The following ITK variants were observed in gnomAD, a reference collection of about 807,000 sequenced individuals.
The protein encoded by ITK is IL2 inducible T cell kinase, also known as tyrosine-protein kinase ITK/TSK.
Under a neutral mutation model 87.6 loss-of-function variants are expected in ITK, and 45 were observed. That is an observed-to-expected ratio of 0.51 (90% CI 0.40 to 0.66). ITK has a LOEUF of 0.66. ITK is among the 30% of genes least tolerant of loss of function. ITK has a pLI of 0.00. For synonymous variants in ITK, 303 were observed against 273.6 expected, an observed-to-expected ratio of 1.11 and a Z score of -1.06; for missense variants, 605 against 766.3, an observed-to-expected ratio of 0.79 and a Z score of 2.48.
intron 8 of ITK, among the ~76,000 whole-genome samples, chr5:157,233,319 C>T (rs756364618): frequency 1.3e-5 from 2 of 152,044 alleles, no homozygotes; most frequent in African/African-American, 2.4e-5. Context: ...GGAAACAAGA[C>T]AAATGCAGAA....
intron 1 of ITK, among the ~76,000 whole-genome samples, chr5:157,186,522 A>G (rs1161231108): frequency 6.6e-6 from 1 of 152,122 alleles, no homozygotes; most frequent in Non-Finnish European, 1.5e-5. Context: ...TAAAAACACA[A>G]AAAGTTAGCC....
intron 1 of ITK, among the ~76,000 whole-genome samples, chr5:157,201,832 C>A (rs1054591455): frequency 2.0e-5 from 3 of 151,346 alleles, no homozygotes; most frequent in Non-Finnish European, 4.4e-5. Flanking sequence ...GATCAACATA[C>A]AAATTAATTT....
At chr5:157,214,102 C>A in intron 3 of ITK, 89 bp from the exon 4 acceptor site, 2 of 1,030,816 alleles carry the variant, frequency 1.9e-6, no homozygotes, top group Non-Finnish European at 3.1e-6. Context: ...GCTCACTCAG[C>A]CAGGTCTAAT....
chr5:157,239,822 A>G (rs1006915640), intron 9 of ITK, among the ~76,000 whole-genome samples: 4 of 152,202 alleles, frequency 2.6e-5, no homozygotes, highest in African/African-American at 9.7e-5. Flanking sequence ...TGGAAGAACC[A>G]TCACCAATCC....
rs760908622 is a variant in ITK at position 157,243,637 on chromosome 5, G to A, written c.1075G>A (p.Asp359Asn). 1.9e-6 allele frequency: 3 copies of A among 1,612,500 alleles called. No individual in the cohort carries two copies. The highest frequency in any genetic ancestry group is 1.7e-5 in the Admixed American group (1 of 59,990). Residue 359 changes from aspartate to asparagine, a missense_variant, in exon 12 of 17, where the codon GAC becomes AAC. Transcript: ENST00000422843. ...CTCTCTTCCAGGGAAATGGGTGATCGACCCCTCAGAGCTCACTTTTGTGCA... is the reference window on the plus strand; with the variant it reads ...CTCTCTTCCAGGGAAATGGGTGATCAACCCCTCAGAGCTCACTTTTGTGCA... ...AGLRYGKWVI[D>N]PSELTFVQEI...
intron 8 of ITK, among the ~76,000 whole-genome samples, chr5:157,237,489 T>G (rs371461427): frequency 1.1e-4 from 16 of 152,348 alleles, no homozygotes; most frequent in African/African-American, 3.8e-4. Context: ...ACACGCAATA[T>G]GTCCATGTAA....
chr5:157,233,371 C>T lies in ITK; in HGVS notation c.768+977C>T, dbSNP rs565647604. 6.6e-5 allele frequency among the ~76,000 whole-genome samples: 10 copies of T among 152,306 alleles called. No homozygotes were observed. In the South Asian group the frequency reaches 2.1e-3, roughly 32 times the overall value. Reference sequence around the variant, plus strand: ...AATCTAAAATAAACTAAGGTAAACTCCAGAGGAGTTGGGAAAGATTCCATG... The same window carrying T: ...AATCTAAAATAAACTAAGGTAAACTTCAGAGGAGTTGGGAAAGATTCCATG... On this transcript the variant is annotated intron_variant, in intron 8 of 16. Transcript: ENST00000422843.
intron 4 of ITK, among the ~76,000 whole-genome samples, chr5:157,215,283 A>G (rs1754276626): frequency 6.6e-6 from 1 of 151,766 alleles, no homozygotes; most frequent in South Asian, 2.1e-4. Flanking sequence ...TCCCTTTCTC[A>G]TTTATTCTTT....
At chr5:157,210,206 G>C (rs1754161256) in intron 2 of ITK, among the ~76,000 whole-genome samples, 1 of 152,168 alleles carries the variant, frequency 6.6e-6, no homozygotes, top group Admixed American at 6.5e-5. Flanking sequence ...AACAGAGCTG[G>C]TGGAGGGTAT....
Position 157,191,076 on chromosome 5 carries a change from T to C in ITK, c.138+9961T>C, listed in dbSNP as rs775581975. On this transcript the variant is annotated intron_variant, in intron 1 of 16. Transcript: ENST00000422843. The stretch of plus-strand genomic sequence containing the variant: ...TGCAGTGGTCTCCTGGGCCATTGTG[T>C]AGTGTCCCATCCTACGAGTTGTTCT... Among the ~76,000 whole-genome samples the C allele has an allele frequency of 7.9e-5, 12 of 152,210 alleles. 1 individual carries two copies. The highest frequency in any genetic ancestry group is 4.4e-5 in the Non-Finnish European group (3 of 68,034).
At chr5:157,209,622 T>C (rs1343175193) in intron 2 of ITK, among the ~76,000 whole-genome samples, 3 of 152,144 alleles carry the variant, frequency 2.0e-5, no homozygotes, top group African/African-American at 7.2e-5. Flanking sequence ...TGAAACCTAA[T>C]GTGCTTTAAG....
At chr5:157,188,312 C>T (rs1047631522) in intron 1 of ITK, among the ~76,000 whole-genome samples, 6 of 152,194 alleles carry the variant, frequency 3.9e-5, no homozygotes, top group African/African-American at 1.2e-4. Context: ...TAAAACCCTC[C>T]ATGGCTATTT....
At chr5:157,231,681 G>A (rs1029653925) in intron 7 of ITK, among the ~76,000 whole-genome samples, 6 of 152,098 alleles carry the variant, frequency 3.9e-5, no homozygotes, top group African/African-American at 1.4e-4. Flanking sequence ...AGGTTAGGAT[G>A]TGGCTAAATA....
intron 1 of ITK, among the ~76,000 whole-genome samples, chr5:157,191,320 C>G (rs1333306492): frequency 2.0e-5 from 3 of 151,852 alleles, no homozygotes; most frequent in African/African-American, 7.3e-5. Context: ...TGGGAAAGTG[C>G]CTGGTGTATA....
At chr5:157,246,088 T>C (rs936000456) in intron 15 of ITK, 89 bp downstream of exon 15, 1 of 913,526 alleles carries the variant, frequency 1.1e-6, no homozygotes, top group Non-Finnish European at 1.8e-6. Context: ...CTACCCACAC[T>C]GAACCCTGTA....
At chr5:157,236,769 G>C (rs972402949) in intron 8 of ITK, among the ~76,000 whole-genome samples, 1 of 151,954 alleles carries the variant, frequency 6.6e-6, no homozygotes, top group Non-Finnish European at 1.5e-5. Context: ...CCATTTATTA[G>C]TGCTTATTTC....
At chr5:157,217,810 G>T in intron 4 of ITK, 57 bp from the exon 5 acceptor site, 1 of 1,519,960 alleles carries the variant, frequency 6.6e-7, no homozygotes, top group Non-Finnish European at 9.1e-7. Context: ...GCTCACTTCC[G>T]GTTGGGTCCA....
At chr5:157,231,678 G>T (rs997726573) in intron 7 of ITK, among the ~76,000 whole-genome samples, 5 of 152,052 alleles carry the variant, frequency 3.3e-5, no homozygotes, top group Admixed American at 1.3e-4. Flanking sequence ...GAGAGGTTAG[G>T]ATGTGGCTAA....
At chr5:157,234,977 G>A (rs1466674441) in intron 8 of ITK, among the ~76,000 whole-genome samples, 1 of 152,066 alleles carries the variant, frequency 6.6e-6, no homozygotes, top group African/African-American at 2.4e-5. Context: ...ACCTTTTTAT[G>A]AACTAAAACT....
Sources: allele counts gnomAD v4.1 joint callset (sites outside exome capture counted in the v4.1 genomes callset), GRCh38; gene constraint gnomAD v4.1.1; transcripts MANE v1.5; gene names NCBI Gene and HGNC (gene_info 2026-07-23, HGNC 2026-07-21).